Variants in SPTLC1 observed in about 807,000 individuals in gnomAD.
The protein encoded by SPTLC1 is serine palmitoyltransferase 1.
A neutral mutation model predicts 68.9 loss-of-function variants in SPTLC1; 55 were observed. The observed-to-expected ratio is 0.80, with a 90% CI of 0.64 to 1.00. SPTLC1 has a LOEUF of 1.00. Ranked by LOEUF, SPTLC1 falls within the 50% of genes least tolerant of loss-of-function variation. The pLI is 0.00. For missense variants in SPTLC1, 449 were observed against 573.1 expected (o/e 0.78, Z 2.21); for synonymous variants, 197 against 201.6 (o/e 0.98, Z 0.19).
At chr9:92,113,572 AC>A (rs1363636308) in intron 1 of SPTLC1, among the ~76,000 whole-genome samples, 1 of 152,262 alleles carries the variant, frequency 6.6e-6, no homozygotes, top group African/African-American at 2.4e-5. Context: ...AAGGGAGCAA[AC>A]AACATTTAAC....
intron 12 of SPTLC1, among the ~76,000 whole-genome samples, chr9:92,040,268 G>A (rs1267257829): frequency 6.6e-6 from 1 of 152,016 alleles, no homozygotes; most frequent in Non-Finnish European, 1.5e-5. Flanking sequence ...TACTCGGGAG[G>A]CTGAGGTAGT....
chr9:92,106,472 C>CAAAA (rs34928872), intron 3 of SPTLC1, among the ~76,000 whole-genome samples: 3 of 68,370 alleles, frequency 4.4e-5, no homozygotes, highest in African/African-American at 1.4e-4. Flanking sequence ...GACTCCGTCT[C>CAAAA]AAAAAAAAAA....
Position 92,040,894 on chromosome 9 carries a change from C to T in SPTLC1, c.1137-2529G>A, listed in dbSNP as rs183512771. Among the ~76,000 whole-genome samples the T allele has an allele frequency of 1.7e-4, 26 of 152,286 alleles. No individual in the cohort carries two copies. In the East Asian group the frequency reaches 3.1e-3, roughly 18 times the overall value. ...AACAAAATGCCCTGTCTCTGGTTGC[C>T]TAGATGCTGAATGTCAGATGAGTTT... On this transcript the variant is annotated intron_variant, in intron 12 of 14. Coordinates refer to ENST00000262554, the MANE Select transcript of SPTLC1 (RefSeq NM_006415.4).
chr9:92,069,719 T>C (rs1490823083), intron 5 of SPTLC1, among the ~76,000 whole-genome samples: 1 of 152,148 alleles, frequency 6.6e-6, no homozygotes, highest in South Asian at 2.1e-4. Flanking sequence ...CGTTCCCAGG[T>C]AGGAGGCCTC....
At chr9:92,095,820 CA>C (rs1441456423) in intron 3 of SPTLC1, among the ~76,000 whole-genome samples, 5 of 152,178 alleles carry the variant, frequency 3.3e-5, no homozygotes, top group African/African-American at 1.2e-4. Context: ...CCTAGGCCAG[CA>C]GTGAAAAGCC....
intron 9 of SPTLC1, among the ~76,000 whole-genome samples, chr9:92,048,167 A>C (rs1047230593): frequency 2.0e-5 from 3 of 152,178 alleles, no homozygotes; most frequent in Non-Finnish European, 4.4e-5. Flanking sequence ...TTCATAAGTC[A>C]ATTTATCCAA....
At chr9:92,045,524 T>TAAAAAA (rs71362367) in intron 12 of SPTLC1, among the ~76,000 whole-genome samples, 38 of 31,602 alleles carry the variant, frequency 1.2e-3, no homozygotes, top group African/African-American at 3.6e-3. Flanking sequence ...TCTTGTGTAG[T>TAAAAAA]AAAAAAAAAA....
chr9:92,098,934 T>C (rs1835643352), intron 3 of SPTLC1, among the ~76,000 whole-genome samples: 1 of 152,176 alleles, frequency 6.6e-6, no homozygotes, highest in South Asian at 2.1e-4. Context: ...CGTGTGAACA[T>C]TCTGAATGGA....
At chr9:92,086,164 G>A (rs1374027532) in intron 3 of SPTLC1, among the ~76,000 whole-genome samples, 7 of 151,804 alleles carry the variant, frequency 4.6e-5, no homozygotes, top group Admixed American at 6.6e-5. Flanking sequence ...TTTCCTGAAT[G>A]CAGCACACTG....
At chr9:92,098,778 T>C (rs780049853) in intron 3 of SPTLC1, among the ~76,000 whole-genome samples, 20 of 152,024 alleles carry the variant, frequency 1.3e-4, no homozygotes, top group Admixed American at 3.3e-4. Context: ...AGACAGGAAA[T>C]AGCCAATGCA....
At chr9:92,049,843 G>A (rs1384604619) in intron 9 of SPTLC1, 117 bp downstream of exon 9, 15 of 805,644 alleles carry the variant, frequency 1.9e-5, no homozygotes, top group South Asian at 1.2e-4. Flanking sequence ...CCAAAGTTTC[G>A]TGACCCTTCA....
chr9:92,054,338 C>T (rs992994286), intron 8 of SPTLC1, among the ~76,000 whole-genome samples: 31 of 152,202 alleles, frequency 2.0e-4, no homozygotes, highest in African/African-American at 7.5e-4. Flanking sequence ...CATTCATATG[C>T]AATTCTACAA....
intron 13 of SPTLC1, among the ~76,000 whole-genome samples, chr9:92,037,568 C>G (rs1027377158): frequency 1.8e-4 from 27 of 152,182 alleles, no homozygotes; most frequent in African/African-American, 5.8e-4. Context: ...AAAGAAACTT[C>G]TGTTGGCTCT....
chr9:92,115,300 G>A lies in SPTLC1; in HGVS notation c.57+14C>T. 2 of 1,611,602 alleles carry A rather than the reference G, an allele frequency of 1.2e-6. No individual in the cohort carries two copies. The highest frequency in any genetic ancestry group is 1.7e-6 in the Non-Finnish European group (2 of 1,179,804). ...CCGGGTGTGGTCGCGGACCGCTAATGGCGCGGAGCCCACCTCGTAAAGCGC... is the reference window on the plus strand; with the variant it reads ...CCGGGTGTGGTCGCGGACCGCTAATAGCGCGGAGCCCACCTCGTAAAGCGC... On this transcript the variant is annotated intron_variant, in intron 1 of 14. Transcript: ENST00000262554.
intron 11 of SPTLC1, 103 bp downstream of exon 11, chr9:92,047,069 A>G (rs1433513985): frequency 9.9e-7 from 1 of 1,011,426 alleles, no homozygotes; most frequent in Non-Finnish European, 1.6e-6. Flanking sequence ...TGTAACTGCA[A>G]ACCAGTTTTG....
intron 2 of SPTLC1, chr9:92,111,033 CG>C (rs1182932661): frequency 1.3e-5 from 2 of 152,120 alleles, no homozygotes; most frequent in Non-Finnish European, 2.9e-5. Flanking sequence ...TTTCTTCTGA[CG>C]CATTAACATC....
At chr9:92,091,752 ACTC>A (rs1238557869) in intron 3 of SPTLC1, among the ~76,000 whole-genome samples, 4 of 152,188 alleles carry the variant, frequency 2.6e-5, no homozygotes, top group East Asian at 1.9e-4. Flanking sequence ...AACAGATTAA[ACTC>A]CTCAGTTAAA....
In SPTLC1 at chr9:92,068,805, C is replaced by G. The variant is rs549851185; in HGVS notation, c.428-707G>C. ...CAGCCTTTTACCTCTCAGACTGAAC[C>G]ATGAGGCTTCATGCCCTCGGACGGA... On this transcript the variant is annotated intron_variant, in intron 5 of 14. Coordinates refer to ENST00000262554, the MANE Select transcript of SPTLC1 (RefSeq NM_006415.4). Among the ~76,000 whole-genome samples, 55 of 152,314 alleles carry G rather than the reference C, an allele frequency of 3.6e-4. No individual in the cohort carries two copies. The South Asian group carries it at 6.6e-3, about 18-fold the overall frequency.
At chr9:92,080,721 G>A (rs1834850248) in intron 4 of SPTLC1, 149 bp downstream of exon 4, 2 of 685,378 alleles carry the variant, frequency 2.9e-6, no homozygotes, top group Non-Finnish European at 2.6e-6. Flanking sequence ...GTATTTTTTG[G>A]TAGAGATGGG....
Sources: allele counts gnomAD v4.1 joint callset (sites outside exome capture counted in the v4.1 genomes callset), GRCh38; gene constraint gnomAD v4.1.1; transcripts MANE v1.5; gene names NCBI Gene and HGNC (gene_info 2026-07-23, HGNC 2026-07-21).